MYO1F: variants seen among roughly 807,000 people sequenced by gnomAD.
The protein encoded by MYO1F is unconventional myosin-If.
A neutral mutation model predicts 146.6 loss-of-function variants in MYO1F; 60 were observed. The ratio of observed to expected loss-of-function variants is 0.41; its 90% CI spans 0.33 to 0.51. MYO1F has a LOEUF of 0.51. Ranked by LOEUF, MYO1F falls within the 20% of genes least tolerant of loss-of-function variation. The pLI, the probability that MYO1F is intolerant of heterozygous loss-of-function variation, is 0.25. For missense variants in MYO1F, 1,274 were observed against 1,534.3 expected (o/e 0.83, Z 2.83); for synonymous variants, 602 against 602.1 (o/e 1.00, Z 0.00).
At chr19:8,566,373 T>G (rs974602368) in intron 1 of MYO1F, among the ~76,000 whole-genome samples, 49 of 151,768 alleles carry the variant, frequency 3.2e-4, no homozygotes, top group African/African-American at 1.1e-3. Context: ...TTCACCGTGT[T>G]AGCCAGGATG....
rs115875216 is a variant in MYO1F, at chr19:8,536,473, G to A, written c.1898+26C>T. ...TGGGCGTTCTGATGAAGGGGATGGC[G>A]AGGGCGGGGGTGGAGGGCTCCTCAC... On this transcript the variant is annotated intron_variant, in intron 18 of 27. Transcript: ENST00000644032. The A allele has an allele frequency of 0.011, 18,192 of 1,610,826 alleles. 230 individuals carry two copies. Among genetic ancestry groups the A allele is most frequent in the African/African-American group, 0.064 (4,747 of 74,670 alleles).
chr19:8,540,793 G>C (rs1972930672), intron 15 of MYO1F, among the ~76,000 whole-genome samples: 1 of 152,044 alleles, frequency 6.6e-6, no homozygotes, highest in Admixed American at 6.6e-5. Context: ...TTGAGACACT[G>C]CTTAAAGTGG....
intron 22 of MYO1F, 43 bp downstream of exon 22, chr19:8,527,294 GA>G (rs766895634): frequency 6.2e-7 from 1 of 1,613,082 alleles, no homozygotes; most frequent in South Asian, 1.1e-5. Flanking sequence ...GCAGCCAGGG[GA>G]CAGGTGAGAG....
chr19:8,561,459 C>CCT (rs1280749693), intron 1 of MYO1F, among the ~76,000 whole-genome samples: 4 of 122,180 alleles, frequency 3.3e-5, no homozygotes, highest in Non-Finnish European at 4.8e-5. Context: ...TCCCTCTCTC[C>CCT]CTCTCTCTCT....
At position 8,548,309 on chromosome 19, in the gene MYO1F, G is replaced by A. The variant is rs759002472; in HGVS notation, c.1110C>T (p.Asn370=). ...RLFDFLVEAI[N]RAMQKPQEEY... is the part of the protein sequence containing the mutation. ...CTTCCTGGGGTTTCTGCATAGCACG[G>A]TTGATGGCCTGCGGTGTGGGTGGGG... The change falls in exon 11 of 28, where the codon AAC becomes AAT. Residue 370 remains asparagine, a synonymous_variant. Transcript: ENST00000644032. 3 of 1,608,838 alleles carry A rather than the reference G, an allele frequency of 1.9e-6. No homozygotes were observed. The highest frequency in any genetic ancestry group is 2.5e-6 in the Non-Finnish European group (3 of 1,179,944).
In MYO1F at chr19:8,521,181, C is replaced by T; in HGVS notation, c.*347G>A. On this transcript the variant is annotated 3_prime_UTR_variant, in exon 28 of 28. Coordinates refer to ENST00000644032, the MANE Select transcript of MYO1F (RefSeq NM_012335.4). ...CAAAGTCACGCTTGTTAAGGACCCC[C>T]CCCTCCCCAACTGTGCCTGGCACTT... 1 of 383,478 alleles carries T rather than the reference C, an allele frequency of 2.6e-6. No homozygotes were observed. Among genetic ancestry groups the T allele is most frequent in the Non-Finnish European group, 5.0e-6 (1 of 200,590 alleles). 23.8% of individuals were successfully genotyped at this position (383,478 alleles called of 1,614,324 possible).
intron 1 of MYO1F, among the ~76,000 whole-genome samples, chr19:8,565,324 A>T (rs982291856): frequency 6.6e-6 from 1 of 151,648 alleles, no homozygotes; most frequent in Admixed American, 6.6e-5. Flanking sequence ...GGGCAGATCA[A>T]CTGAGGTTGG....
chr19:8,522,656 C>T lies in MYO1F; in HGVS notation c.3028G>A (p.Val1010Met), dbSNP rs1424534565. The T allele has an allele frequency of 1.2e-6, 2 of 1,613,898 alleles. No individual in the cohort carries two copies. Among genetic ancestry groups the T allele is most frequent in the Non-Finnish European group, 1.7e-6 (2 of 1,179,978 alleles). ...PSEHNTEFLN[V>M]PDQGMAGMQR... ...TACCCGGCCATGCCCTGGTCAGGCA[C>T]GTTGAGGAATTCTGTGTTGTGCTCT... The change falls in exon 26 of 28, where the codon GTG (valine) becomes ATG (methionine). Residue 1010 changes from valine (V) to methionine (M), a missense_variant. Coordinates refer to ENST00000644032, the MANE Select transcript of MYO1F (RefSeq NM_012335.4).
intron 7 of MYO1F, 48 bp from the exon 8 acceptor site, chr19:8,551,922 C>A (rs745399653): frequency 6.2e-7 from 1 of 1,613,810 alleles, no homozygotes; most frequent in East Asian, 2.2e-5. Context: ...CTGGCTCAGC[C>A]CCTGTGATCC....
chr19:8,567,361 G>A (rs921554714), intron 1 of MYO1F, among the ~76,000 whole-genome samples: 2 of 151,326 alleles, frequency 1.3e-5, no homozygotes, highest in African/African-American at 2.4e-5. Context: ...CACCGTGCCC[G>A]GCCCACTGGG....
chr19:8,568,657 C>T (rs774438073), intron 1 of MYO1F, among the ~76,000 whole-genome samples: 29 of 152,044 alleles, frequency 1.9e-4, no homozygotes, highest in Non-Finnish European at 3.1e-4. Flanking sequence ...CATGGTGGCT[C>T]ACGCCTGTAA....
intron 22 of MYO1F, 26 bp from the exon 23 acceptor site, chr19:8,526,961 A>G: frequency 1.2e-6 from 2 of 1,612,574 alleles, no homozygotes; most frequent in Non-Finnish European, 1.7e-6. Flanking sequence ...TGAGAGCGTC[A>G]GGTGGGACAC....
intron 16 of MYO1F, among the ~76,000 whole-genome samples, chr19:8,539,678 G>T (rs1599943763): frequency 6.6e-6 from 1 of 152,112 alleles, no homozygotes; most frequent in South Asian, 2.1e-4. Context: ...AATGGTAAAT[G>T]ACTAAAGACC....
In MYO1F at chr19:8,560,492, A is replaced by AG. The variant is rs1433763531; in HGVS notation, c.4-4697dup. On this transcript the variant is annotated intron_variant, in intron 1 of 27. Transcript: ENST00000644032. Reference sequence around the variant, plus strand: ...CATAGCGAGACTTGGTCTTAAAAAAAGGAAAAAAAAAAAAGAACAGGTTCT... The same window carrying AG: ...CATAGCGAGACTTGGTCTTAAAAAAAGGGAAAAAAAAAAAAGAACAGGTTCT... 8.7e-5 allele frequency among the ~76,000 whole-genome samples: 9 copies of AG among 102,892 alleles called. No homozygotes were observed. The South Asian group carries it at 3.0e-3, about 35-fold the overall frequency. 67.5% of individuals were successfully genotyped at this position (102,892 alleles called of 152,430 possible).
chr19:8,567,360 C>T (rs1324704207), intron 1 of MYO1F, among the ~76,000 whole-genome samples: 4 of 151,900 alleles, frequency 2.6e-5, no homozygotes, highest in Non-Finnish European at 4.4e-5. Context: ...CCACCGTGCC[C>T]GGCCCACTGG....
intron 12 of MYO1F, among the ~76,000 whole-genome samples, chr19:8,547,684 T>C (rs1219340164): frequency 6.6e-6 from 1 of 151,892 alleles, no homozygotes; most frequent in East Asian, 1.9e-4. Flanking sequence ...GAAAAACCAT[T>C]TGTCTCTGAA....
intron 19 of MYO1F, among the ~76,000 whole-genome samples, chr19:8,535,554 G>A (rs903582249): frequency 7.2e-5 from 11 of 152,094 alleles, no homozygotes; most frequent in Admixed American, 5.3e-4. Context: ...ACAGGCATGC[G>A]CTACCACACC....
rs770317937 is a variant in MYO1F at position 8,526,778 on chromosome 19, C to T, written c.2621+11G>A. 4 of 1,600,430 alleles carry T rather than the reference C, an allele frequency of 2.5e-6. No individual in the cohort carries two copies. The highest frequency in any genetic ancestry group is 1.3e-5 in the African/African-American group (1 of 74,732). On this transcript the variant is annotated intron_variant, in intron 23 of 27. Transcript: ENST00000644032. Reference sequence around the variant, plus strand: ...CACCCCGAGATGGTGCTGGGGTTGGCGGGGCCGTACGTGTCGCTGAAGGTG... The same window carrying T: ...CACCCCGAGATGGTGCTGGGGTTGGTGGGGCCGTACGTGTCGCTGAAGGTG...
intron 1 of MYO1F, among the ~76,000 whole-genome samples, chr19:8,566,514 A>G (rs574109831): frequency 6.9e-6 from 1 of 145,264 alleles, no homozygotes; most frequent in African/African-American, 2.5e-5. Flanking sequence ...ATTTAATTTA[A>G]TTAATTTATT....
Sources: allele counts gnomAD v4.1 joint callset (sites outside exome capture counted in the v4.1 genomes callset), GRCh38; gene constraint gnomAD v4.1.1; transcripts MANE v1.5; gene names NCBI Gene and HGNC (gene_info 2026-07-23, HGNC 2026-07-21).